Variants in TPRG1 observed in about 807,000 individuals in gnomAD.
The protein encoded by TPRG1 is tumor protein p63-regulated gene 1 protein.
In TPRG1, 29 loss-of-function variants were observed where a neutral mutation model predicts 29.3. The observed-to-expected ratio is 0.99, with a 90% CI of 0.74 to 1.35. TPRG1 has a LOEUF of 1.35. Among genes scored for constraint, TPRG1 ranks in the 40% most tolerant of loss-of-function variants. The pLI is 0.00. For missense variants in TPRG1, 327 were observed against 335.0 expected (o/e 0.98, Z 0.19); for synonymous variants, 130 against 116.8 (o/e 1.11, Z -0.73).
At chr3:189,185,400 A>G (rs1405119893) in intron 1 of TPRG1, among the ~76,000 whole-genome samples, 2 of 151,564 alleles carry the variant, frequency 1.3e-5, no homozygotes, top group Non-Finnish European at 2.9e-5. Flanking sequence ...TATTTTTGAA[A>G]TTTTTTGTAG....
At chr3:189,088,980 CTAT>C (rs1718156140) in intron 4 of TPRG1, among the ~76,000 whole-genome samples, 128 of 137,186 alleles carry the variant, frequency 9.3e-4, no homozygotes, top group African/African-American at 4.5e-3. Context: ...ATCTATCTAT[CTAT>C]CTATCTATCT....
intron 3 of TPRG1, among the ~76,000 whole-genome samples, chr3:189,010,284 C>T (rs544990666): frequency 2.7e-4 from 41 of 152,084 alleles, no homozygotes; most frequent in African/African-American, 9.9e-4. Context: ...ATTTATATTC[C>T]TTTGGGTATA....
intron 4 of TPRG1, among the ~76,000 whole-genome samples, chr3:189,063,054 A>G (rs2152145540): frequency 6.6e-6 from 1 of 152,224 alleles, no homozygotes; most frequent in Non-Finnish European, 1.5e-5. Context: ...TGGATTGAAA[A>G]TAAAGGAATA....
chr3:189,156,448 T>G (rs2108615553), intron 5 of TPRG1, among the ~76,000 whole-genome samples: 1 of 152,174 alleles, frequency 6.6e-6, no homozygotes, highest in South Asian at 2.1e-4. Flanking sequence ...GTTTTGGAGT[T>G]AGAGTCAGTG....
chr3:189,262,130 A>C (rs1306643171), intron 4 of TPRG1, among the ~76,000 whole-genome samples: 1 of 152,112 alleles, frequency 6.6e-6, no homozygotes, highest in Non-Finnish European at 1.5e-5. Context: ...CTGTCATAGT[A>C]GAGTTGGGAA....
intron 1 of TPRG1, among the ~76,000 whole-genome samples, chr3:189,119,397 T>C (rs1721561229): frequency 6.6e-6 from 1 of 152,168 alleles, no homozygotes; most frequent in African/African-American, 2.4e-5. Flanking sequence ...CTTGGACTTT[T>C]GGATTAATGC....
chr3:189,180,397 G>A (rs967749524), intron 1 of TPRG1, among the ~76,000 whole-genome samples: 2 of 152,144 alleles, frequency 1.3e-5, no homozygotes, highest in African/African-American at 4.8e-5. Context: ...CCACCTATGA[G>A]CCTGTAAAAT....
intron 4 of TPRG1, among the ~76,000 whole-genome samples, chr3:189,037,546 T>C (rs1357235591): frequency 6.6e-6 from 1 of 151,898 alleles, no homozygotes; most frequent in Non-Finnish European, 1.5e-5. Context: ...AAGAAGAAAC[T>C]TAAGGTATAT....
chr3:189,250,512 C>G (rs1350242415), intron 4 of TPRG1, among the ~76,000 whole-genome samples: 4 of 90,668 alleles, frequency 4.4e-5, no homozygotes, highest in African/African-American at 8.5e-5. Flanking sequence ...CCGCCCCCCC[C>G]CCCCCACCCA....
intron 4 of TPRG1, among the ~76,000 whole-genome samples, chr3:189,302,139 T>C (rs1387748841): frequency 1.3e-5 from 2 of 152,228 alleles, no homozygotes; most frequent in Admixed American, 6.5e-5. Flanking sequence ...AAAAGCCTTA[T>C]ATCCATCAAA....
intron 4 of TPRG1, among the ~76,000 whole-genome samples, chr3:189,070,739 A>C (rs974992626): frequency 1.3e-5 from 2 of 152,198 alleles, no homozygotes; most frequent in African/African-American, 2.4e-5. Context: ...GGTATTCCAG[A>C]ATCTTACATT....
intron 4 of TPRG1, among the ~76,000 whole-genome samples, chr3:189,090,262 A>G (rs59323699): frequency 0.092 from 14,059 of 152,056 alleles, 827 homozygotes; most frequent in African/African-American, 0.17. Context: ...AAATGTTTCA[A>G]TATTTTCAGG....
chr3:189,059,436 C>A (rs1033381933), intron 4 of TPRG1, among the ~76,000 whole-genome samples: 6 of 151,708 alleles, frequency 4.0e-5, no homozygotes, highest in Admixed American at 3.3e-4. Context: ...ACTAAAAATA[C>A]AAAAAATTAG....
chr3:189,303,997 GTCTTT>G (rs1028326609), intron 4 of TPRG1, among the ~76,000 whole-genome samples: 1 of 152,220 alleles, frequency 6.6e-6, no homozygotes. Context: ...TTAACCTCAA[GTCTTT>G]TCTTCTGCAG....
chr3:189,210,874 G>T (rs1420975167), intron 2 of TPRG1, among the ~76,000 whole-genome samples: 2 of 152,024 alleles, frequency 1.3e-5, no homozygotes, highest in East Asian at 1.9e-4. Context: ...AGAACTTAAA[G>T]TATATATGTT....
chr3:189,011,431 A>C (rs919336989), intron 3 of TPRG1, among the ~76,000 whole-genome samples: 1 of 152,112 alleles, frequency 6.6e-6, no homozygotes, highest in Admixed American at 6.6e-5. Context: ...CATATTCGAG[A>C]ATGGGCAATT....
At chr3:189,112,286 T>C (rs1013596450) in intron 1 of TPRG1, among the ~76,000 whole-genome samples, 2 of 152,198 alleles carry the variant, frequency 1.3e-5, no homozygotes, top group African/African-American at 4.8e-5. Flanking sequence ...GGTTTTGGCA[T>C]GGAGGTAATG....
intron 4 of TPRG1, among the ~76,000 whole-genome samples, chr3:189,260,815 T>TGGAG (rs145316139): frequency 0.011 from 1,731 of 152,160 alleles, 42 homozygotes; most frequent in African/African-American, 0.04. Flanking sequence ...TGTCAGCAGG[T>TGGAG]GGAGGGAGGA....
intron 3 of TPRG1, among the ~76,000 whole-genome samples, chr3:189,146,097 T>G (rs1261907277): frequency 6.6e-6 from 1 of 152,236 alleles, no homozygotes; most frequent in African/African-American, 2.4e-5. Flanking sequence ...AGAGCTTTAC[T>G]ATCATTGATC....
Sources: gnomAD v4.1 joint callset for allele counts (sites outside exome capture counted in the v4.1 genomes callset) on GRCh38, gnomAD v4.1.1 for gene constraint, MANE v1.5 for transcripts, NCBI Gene and HGNC (gene_info 2026-07-23, HGNC 2026-07-21) for gene names.